The following FRAS1 variants were observed in gnomAD, a reference collection of about 807,000 sequenced individuals.
FRAS1 encodes the protein extracellular matrix organizing protein FRAS1.
Under a neutral mutation model 435.2 loss-of-function variants are expected in FRAS1, and 290 were observed. That is an observed-to-expected ratio of 0.67 (90% CI 0.61 to 0.73). The LOEUF is 0.73. Ranked by LOEUF, FRAS1 falls within the 30% of genes least tolerant of loss-of-function variation. The pLI is 0.00. For synonymous variants in FRAS1, 1,800 were observed against 1,851.0 expected, an observed-to-expected ratio of 0.97 and a Z score of 0.71; for missense variants, 4,860 against 5,001.5, an observed-to-expected ratio of 0.97 and a Z score of 0.85.
chr4:78,098,283 T>A (rs945120467), intron 2 of FRAS1, among the ~76,000 whole-genome samples: 1 of 150,654 alleles, frequency 6.6e-6, no homozygotes, highest in Non-Finnish European at 1.5e-5. Flanking sequence ...TTTCTTTTTT[T>A]TTTTTTTTTG....
intron 24 of FRAS1, among the ~76,000 whole-genome samples, chr4:78,373,488 G>A (rs1158073116): frequency 8.0e-6 from 1 of 124,592 alleles, no homozygotes; most frequent in Non-Finnish European, 1.8e-5. Flanking sequence ...AATAATAATA[G>A]TTGCTTAGGC....
intron 20 of FRAS1, among the ~76,000 whole-genome samples, chr4:78,360,665 C>T (rs1056809084): frequency 9.9e-5 from 15 of 152,080 alleles, no homozygotes; most frequent in South Asian, 2.1e-4. Flanking sequence ...CATGAATGGG[C>T]GGGCAGAGTG....
At chr4:78,385,659 A>G (rs1344908917) in intron 28 of FRAS1, among the ~76,000 whole-genome samples, 1 of 152,136 alleles carries the variant, frequency 6.6e-6, no homozygotes, top group East Asian at 1.9e-4. Context: ...GCTGAAATGC[A>G]TGGTCACCTG....
intron 29 of FRAS1, among the ~76,000 whole-genome samples, chr4:78,390,942 G>A (rs143887894): frequency 6.6e-6 from 1 of 152,352 alleles, no homozygotes; most frequent in African/African-American, 2.4e-5. Flanking sequence ...TAACTAGGGA[G>A]GGATAGAAAA....
chr4:78,491,651 C>T (rs1046945378), intron 59 of FRAS1, among the ~76,000 whole-genome samples: 1 of 152,106 alleles, frequency 6.6e-6, no homozygotes. Context: ...TGGAACATAT[C>T]TCAAAATAAC....
At chr4:78,333,806 GAGAC>G (rs1346822501) in intron 19 of FRAS1, among the ~76,000 whole-genome samples, 1 of 152,174 alleles carries the variant, frequency 6.6e-6, no homozygotes, top group South Asian at 2.1e-4. Context: ...GAGAGAGAGA[GAGAC>G]AGAGAGAGAG....
At chr4:78,202,117 G>A (rs1267441139) in intron 2 of FRAS1, among the ~76,000 whole-genome samples, 2 of 152,150 alleles carry the variant, frequency 1.3e-5, no homozygotes, top group Non-Finnish European at 1.5e-5. Flanking sequence ...GCACAGGACA[G>A]CCCCCACCAC....
At chr4:78,271,792 TA>T (rs1386503039) in intron 9 of FRAS1, among the ~76,000 whole-genome samples, 1 of 152,252 alleles carries the variant, frequency 6.6e-6, no homozygotes, top group Non-Finnish European at 1.5e-5. Context: ...CATGTGTCTT[TA>T]TAGCAGCATG....
At chr4:78,458,799 C>T (rs1719283196) in intron 47 of FRAS1, among the ~76,000 whole-genome samples, 2 of 152,122 alleles carry the variant, frequency 1.3e-5, no homozygotes, top group South Asian at 4.1e-4. Context: ...TAATGTCATC[C>T]ACCATTTTAT....
rs758613146 is a variant in FRAS1 at position 78,439,064 on chromosome 4, G to A, written c.5529G>A (p.Thr1843=). 4.6e-5 allele frequency: 74 copies of A among 1,610,456 alleles called. No homozygotes were observed. Among genetic ancestry groups the A allele is most frequent in the Middle Eastern group, 1.6e-4 (1 of 6,080 alleles). ...TCATTGCTTTTGCTGACCTTATCAC[G>A]GTAAACAATTCTCAGATCAATAAAC... ...PPVIAFADLI[T]VDEGGRAPLS... is the part of the protein sequence containing the mutation. The change falls in exon 40 of 74, where the codon ACG becomes ACA. Residue 1843 remains threonine (T), a splice_region_variant and synonymous_variant. Coordinates refer to ENST00000512123, the MANE Select transcript of FRAS1 (RefSeq NM_025074.7).
chr4:78,200,704 C>T (rs1223653324), intron 2 of FRAS1, among the ~76,000 whole-genome samples: 2 of 151,608 alleles, frequency 1.3e-5, no homozygotes, highest in East Asian at 3.9e-4. Flanking sequence ...AGTGTGGCAT[C>T]AGTTTAATGA....
intron 2 of FRAS1, among the ~76,000 whole-genome samples, chr4:78,130,300 A>G (rs1273355481): frequency 2.0e-5 from 3 of 152,146 alleles, no homozygotes; most frequent in Non-Finnish European, 2.9e-5. Context: ...GTAAATTCTG[A>G]GCTGGAATGA....
intron 5 of FRAS1, 49 bp from the exon 6 acceptor site, chr4:78,255,192 GA>G (rs1470334578): frequency 1.3e-6 from 2 of 1,547,478 alleles, no homozygotes; most frequent in Non-Finnish European, 1.7e-6. Context: ...TCAGCCCTGG[GA>G]TCAACAAATG....
At chr4:78,537,359 A>T (rs1200390217) in intron 72 of FRAS1, among the ~76,000 whole-genome samples, 159 bp downstream of exon 72, 1 of 152,216 alleles carries the variant, frequency 6.6e-6, no homozygotes, top group African/African-American at 2.4e-5. Context: ...ATACTAGTAC[A>T]TAGGTGGTAG....
At chr4:78,417,498 A>G (rs548915650) in intron 32 of FRAS1, among the ~76,000 whole-genome samples, 1 of 152,328 alleles carries the variant, frequency 6.6e-6, no homozygotes, top group South Asian at 2.1e-4. Flanking sequence ...CACCTTATAT[A>G]GGGCATATAG....
At chr4:78,494,841 A>T (rs1417972937) in intron 59 of FRAS1, among the ~76,000 whole-genome samples, 2 of 152,190 alleles carry the variant, frequency 1.3e-5, no homozygotes, top group Non-Finnish European at 2.9e-5. Context: ...GACTTGAATG[A>T]GAATTTTGTT....
chr4:78,430,925 T>C (rs189996547), intron 37 of FRAS1, among the ~76,000 whole-genome samples: 234 of 152,344 alleles, frequency 1.5e-3, no homozygotes, highest in Non-Finnish European at 2.4e-3. Flanking sequence ...AAAATAACTC[T>C]TATTGTGCTT....
intron 2 of FRAS1, among the ~76,000 whole-genome samples, chr4:78,184,425 C>A (rs1477794061): frequency 6.6e-6 from 1 of 151,622 alleles, no homozygotes; most frequent in African/African-American, 2.4e-5. Flanking sequence ...TTTTTTTTTC[C>A]CCTAACTATT....
chr4:78,514,299 C>T (rs1211571070), intron 65 of FRAS1, among the ~76,000 whole-genome samples: 1 of 152,248 alleles, frequency 6.6e-6, no homozygotes, highest in Non-Finnish European at 1.5e-5. Flanking sequence ...ACAGCTGAGG[C>T]AGCGCATCTC....
Sources: allele counts gnomAD v4.1 joint callset (sites outside exome capture counted in the v4.1 genomes callset), GRCh38; gene constraint gnomAD v4.1.1; transcripts MANE v1.5; gene names NCBI Gene and HGNC (gene_info 2026-07-23, HGNC 2026-07-21).